CMAS: variants seen among roughly 807,000 people sequenced by gnomAD.
CMAS encodes the protein cytidine monophosphate N-acetylneuraminic acid synthetase, also known as N-acylneuraminate cytidylyltransferase.
A neutral mutation model predicts 53.4 loss-of-function variants in CMAS; 21 were observed. That is an observed-to-expected ratio of 0.39 (90% CI 0.28 to 0.57). The LOEUF (loss-of-function observed/expected upper bound fraction) is 0.57. Among genes scored for constraint, CMAS ranks in the 20% least tolerant of loss-of-function variants. CMAS has a pLI of 0.56. For synonymous variants in CMAS, 189 were observed against 195.2 expected (o/e 0.97, Z 0.27); for missense variants, 384 against 534.9 (o/e 0.72, Z 2.78).
intron 1 of CMAS, among the ~76,000 whole-genome samples, chr12:22,047,555 A>T (rs1474650065): frequency 1.3e-5 from 2 of 152,114 alleles, no homozygotes; most frequent in African/African-American, 4.8e-5. Context: ...TTGTTCAAAA[A>T]CGGGAGATGC....
chr12:22,065,377 T>G lies in CMAS; in HGVS notation c.*66T>G, dbSNP rs958016801. The G allele has an allele frequency of 2.4e-6, 3 of 1,240,194 alleles. No individual in the cohort carries two copies. The highest frequency in any genetic ancestry group is 3.0e-5 in the African/African-American group (2 of 67,378). The allele number at this position is 1,240,194 out of a possible 1,614,324, so 76.8% of individuals were successfully genotyped here. ...TCAGCCAGTTTGCTTTTATTTTTGA[T>G]TAAGTAAATTCCATGTTGTAATGTT... On this transcript the variant is annotated 3_prime_UTR_variant, in exon 8 of 8. Coordinates refer to ENST00000229329, the MANE Select transcript of CMAS (RefSeq NM_018686.6).
chr12:22,058,989 C>T (rs992652586), intron 4 of CMAS, among the ~76,000 whole-genome samples: 1 of 151,936 alleles, frequency 6.6e-6, no homozygotes, highest in African/African-American at 2.4e-5. Context: ...TTATTCCACT[C>T]AAAACTACGT....
chr12:22,065,008 C>G, intron 7 of CMAS, 113 bp from the exon 8 acceptor site: 1 of 717,062 alleles, frequency 1.4e-6, no homozygotes, highest in Non-Finnish European at 2.4e-6. Context: ...TATGCAGTGC[C>G]CCTAGGTCTT....
chr12:22,055,015 A>G, intron 1 of CMAS, 134 bp from the exon 2 acceptor site: 1 of 538,798 alleles, frequency 1.9e-6, no homozygotes. Flanking sequence ...ACTCCTTTGG[A>G]TCTGTAACAT....
At chr12:22,060,352 A>G (rs1950300524) in intron 4 of CMAS, among the ~76,000 whole-genome samples, 1 of 146,096 alleles carries the variant, frequency 6.8e-6, no homozygotes, top group Non-Finnish European at 1.5e-5. Context: ...AAAAAAAAAA[A>G]AAAAAAAAGC....
intron 1 of CMAS, among the ~76,000 whole-genome samples, chr12:22,051,986 T>C (rs564805205): frequency 6.6e-5 from 10 of 152,352 alleles, no homozygotes; most frequent in South Asian, 6.2e-4. Context: ...TAGGGAGATA[T>C]GGATTTTTCC....
rs187909932 is a variant in CMAS, at chr12:22,058,234, G to A, written c.560-333G>A. Reference sequence around the variant, plus strand: ...GAGGTCAGGAGTTCGAGACCAGCCCGGACAACATGGTGAAACCCCATCTCC... The same window carrying A: ...GAGGTCAGGAGTTCGAGACCAGCCCAGACAACATGGTGAAACCCCATCTCC... On this transcript the variant is annotated intron_variant, in intron 3 of 7. Transcript: ENST00000229329. Among the ~76,000 whole-genome samples the A allele has an allele frequency of 3.2e-4, 49 of 151,230 alleles. No homozygotes were observed. In the South Asian group the frequency reaches 5.2e-3, roughly 16 times the overall value.
chr12:22,061,476 G>A (rs770328846), intron 6 of CMAS, 24 bp downstream of exon 6: 1 of 1,437,674 alleles, frequency 7.0e-7, no homozygotes, highest in East Asian at 2.4e-5. Context: ...GAATATAGCA[G>A]TATTTTATAA....
At chr12:22,048,893 T>C (rs1950222806) in intron 1 of CMAS, among the ~76,000 whole-genome samples, 1 of 152,218 alleles carries the variant, frequency 6.6e-6, no homozygotes, top group African/African-American at 2.4e-5. Flanking sequence ...TCACACGGAC[T>C]AAGCCCTGTT....
At chr12:22,061,247 C>T in intron 5 of CMAS, 34 bp from the exon 6 acceptor site, 1 of 1,489,584 alleles carries the variant, frequency 6.7e-7, no homozygotes, top group Non-Finnish European at 9.3e-7. Context: ...TAGTACTGCA[C>T]TTGTACTCAA....
At chr12:22,057,954 A>G (rs1489400517) in intron 3 of CMAS, among the ~76,000 whole-genome samples, 1 of 151,264 alleles carries the variant, frequency 6.6e-6, no homozygotes, top group Non-Finnish European at 1.5e-5. Context: ...CAGCCTCCCA[A>G]GTAGCTGGGA....
chr12:22,055,574 C>T lies in CMAS; in HGVS notation c.523C>T (p.Arg175Cys), dbSNP rs371050975. 1.1e-5 allele frequency: 18 copies of T among 1,610,152 alleles called. No homozygotes were observed. The highest frequency in any genetic ancestry group is 9.3e-5 in the African/African-American group (7 of 74,894). Residue 175 changes from arginine to cysteine, a missense_variant, in exon 3 of 8, where the codon CGC becomes TGC. Arg to Cys is a radical substitution (Grantham distance 180, BLOSUM62 -3). Around this residue, in one of 3 missense-constraint regions of CMAS, gnomAD observed 139 missense variants for 248.0 expected, o/e 0.56. Coordinates refer to ENST00000229329, the MANE Select transcript of CMAS (RefSeq NM_018686.6). ...TGATTCTGTTTTCTCTGTTGTGAGA[C>T]GCCATCAGTTTCGATGGAGTGAAAT... ...GYDSVFSVVR[R>C]HQFRWSEIQK...
intron 6 of CMAS, 82 bp from the exon 7 acceptor site, chr12:22,062,199 C>CAATT (rs1180856754): frequency 1.2e-5 from 15 of 1,298,492 alleles, no homozygotes; most frequent in South Asian, 6.1e-5. Context: ...TCTACAAGGT[C>CAATT]AATTATTATG....
chr12:22,060,735 C>A, intron 4 of CMAS, 97 bp from the exon 5 acceptor site: 3 of 718,238 alleles, frequency 4.2e-6, no homozygotes, highest in Non-Finnish European at 7.5e-6. Context: ...TTTCTCAGTA[C>A]TGTAGAAATG....
chr12:22,051,744 AC>A (rs1438604511), intron 1 of CMAS, among the ~76,000 whole-genome samples: 4 of 152,194 alleles, frequency 2.6e-5, no homozygotes, highest in African/African-American at 9.6e-5. Flanking sequence ...TACAAATTAG[AC>A]ATTTGGACCT....
chr12:22,059,149 T>TATATA (rs1491113231), intron 4 of CMAS, among the ~76,000 whole-genome samples: 139 of 91,906 alleles, frequency 1.5e-3, no homozygotes, highest in African/African-American at 1.7e-3. Flanking sequence ...TATATATATA[T>TATATA]TTTTTTTTTT....
chr12:22,053,542 A>C (rs569236705), intron 1 of CMAS, among the ~76,000 whole-genome samples: 17 of 151,142 alleles, frequency 1.1e-4, no homozygotes, highest in African/African-American at 4.1e-4. Context: ...CACATACACC[A>C]AAGACTATAA....
intron 4 of CMAS, 117 bp downstream of exon 4, chr12:22,058,817 G>T: frequency 8.1e-7 from 1 of 1,228,680 alleles, no homozygotes; most frequent in Admixed American, 2.6e-5. Flanking sequence ...ACCTATAGAG[G>T]AAAGGTAATA....
chr12:22,065,534 A>G lies in CMAS; in HGVS notation c.*223A>G, dbSNP rs996967447. 2.1e-6 allele frequency: 1 copy of G among 469,508 alleles called. No individual in the cohort carries two copies. The highest frequency in any genetic ancestry group is 3.9e-6 in the Non-Finnish European group (1 of 258,558). 29.1% of individuals were successfully genotyped at this position (469,508 alleles called of 1,614,324 possible). ...TAAATGCAAGTAAGAACATCATCAA[A>G]GTTCACTTTGTATTGTACCCTGTAA... On this transcript the variant is annotated 3_prime_UTR_variant, in exon 8 of 8. Coordinates refer to ENST00000229329, the MANE Select transcript of CMAS (RefSeq NM_018686.6).
Sources: allele counts gnomAD v4.1 joint callset (sites outside exome capture counted in the v4.1 genomes callset), GRCh38; gene constraint gnomAD v4.1.1; regional missense constraint gnomAD v4.1.1; transcripts MANE v1.5; gene names NCBI Gene and HGNC (gene_info 2026-07-23, HGNC 2026-07-21).